LRRC9: variants seen among roughly 807,000 people sequenced by gnomAD.
LRRC9 encodes the protein leucine-rich repeat-containing protein 9.
LRRC9 carries 122 observed loss-of-function variants against 63.2 expected under a neutral mutation model. The ratio of observed to expected loss-of-function variants is 1.93; its 90% CI spans 1.67 to 2.24. The LOEUF (loss-of-function observed/expected upper bound fraction) is 2.24, where lower values mean the gene tolerates loss of function less well. Among genes scored for constraint, LRRC9 ranks in the 30% most tolerant of loss-of-function variants. LRRC9 has a pLI of 0.00. For synonymous variants in LRRC9, 366 were observed against 213.1 expected (o/e 1.72, Z -6.25); for missense variants, 1,071 against 627.7 (o/e 1.71, Z -7.55).
At position 59,930,822 on chromosome 14, in the gene LRRC9, G is replaced by A. The variant is rs1889639908; in HGVS notation, c.268-96G>A. On this transcript the variant is annotated intron_variant, in intron 3 of 31. Transcript: ENST00000445360. This position sits in a 1 kb window ranked among gnomAD's most constrained non-coding sequence, Gnocchi z 4.9. ...GGATATTGATTTTGCAATAAAATAT[G>A]ATATTTAAAAGAAAATATACTTAGA... The A allele has an allele frequency of 3.7e-6, 1 of 269,038 alleles. No homozygotes were observed. The highest frequency in any genetic ancestry group is 2.2e-5 in the African/African-American group (1 of 45,496). The allele number at this position is 269,038 out of a possible 1,614,324, so 16.7% of individuals were successfully genotyped here.
At chr14:59,978,758 A>G (rs1886592950) in intron 15 of LRRC9, among the ~76,000 whole-genome samples, 1 of 152,158 alleles carries the variant, frequency 6.6e-6, no homozygotes, top group South Asian at 2.1e-4. Flanking sequence ...ATGTATCTTT[A>G]TACAAATATG....
intron 12 of LRRC9, among the ~76,000 whole-genome samples, chr14:59,972,293 C>T (rs1457870760): frequency 6.6e-6 from 1 of 152,002 alleles, no homozygotes; most frequent in Non-Finnish European, 1.5e-5. Context: ...GCAGGTTAAT[C>T]CAAAAAGTCA....
chr14:59,993,915 G>C (rs1888450078), intron 17 of LRRC9, among the ~76,000 whole-genome samples: 1 of 152,088 alleles, frequency 6.6e-6, no homozygotes, highest in Admixed American at 6.5e-5. Context: ...AAGACAGAAA[G>C]TTAACAAGGA....
downstream of LRRC9, among the ~76,000 whole-genome samples, chr14:60,065,369 C>T (rs1359143276): frequency 6.6e-6 from 1 of 151,360 alleles, no homozygotes; most frequent in Non-Finnish European, 1.5e-5. Context: ...ACCACCACGC[C>T]AGGTGCAGTG....
intron 17 of LRRC9, among the ~76,000 whole-genome samples, chr14:59,989,948 A>G (rs778360909): frequency 5.4e-4 from 68 of 125,264 alleles, no homozygotes; most frequent in Non-Finnish European, 9.2e-4. Flanking sequence ...TTTTTTTGAG[A>G]CGGAATTTCA....
chr14:59,952,936 G>A (rs2139920320), intron 8 of LRRC9, among the ~76,000 whole-genome samples: 1 of 152,278 alleles, frequency 6.6e-6, no homozygotes, highest in South Asian at 2.1e-4. Flanking sequence ...GTGTTAGTTT[G>A]CTGAGAGTGA....
rs1881900291 is a variant in LRRC9, at chr14:59,942,655, A to C, written c.727-1934A>C. 6.6e-6 allele frequency among the ~76,000 whole-genome samples: 1 copy of C among 152,068 alleles called. No individual in the cohort carries two copies. Among genetic ancestry groups the C allele is most frequent in the South Asian group, 2.1e-4 (1 of 4,816 alleles). On this transcript the variant is annotated intron_variant, in intron 7 of 31. Transcript: ENST00000445360. This position sits in a 1 kb window ranked among gnomAD's most constrained non-coding sequence, Gnocchi z 5.3. ...AGGCAGGAGAATCACTTGAACCCAG[A>C]AGGCAGAAGTTGCGGTGAGCCGATA...
chr14:60,015,949 T>C lies in LRRC9; in HGVS notation c.3187-711T>C, dbSNP rs538702223. Among the ~76,000 whole-genome samples, 41 of 152,252 alleles carry C rather than the reference T, an allele frequency of 2.7e-4. No homozygotes were observed. The South Asian group carries it at 7.9e-3, about 29-fold the overall frequency. The stretch of plus-strand genomic sequence containing the variant: ...CTGTAGGATTTAGCAGGAGTAGGCT[T>C]GTTATCGTCTAAAGTTTTCTGCTGT... On this transcript the variant is annotated intron_variant, in intron 23 of 31. Coordinates refer to ENST00000445360, the Ensembl canonical transcript of LRRC9.
Position 59,958,340 on chromosome 14 carries a change from G to A in LRRC9, c.883-1478G>A, listed in dbSNP as rs1166761531. Among the ~76,000 whole-genome samples the A allele has an allele frequency of 6.6e-6, 1 of 152,200 alleles. No homozygotes were observed. Among genetic ancestry groups the A allele is most frequent in the African/African-American group, 2.4e-5 (1 of 41,456 alleles). ...GTTACCTTTCCTTGAGAGATGCCCTGCCCAGTGAGGAGGAATCTAGAGAAG... is the reference window on the plus strand; with the variant it reads ...GTTACCTTTCCTTGAGAGATGCCCTACCCAGTGAGGAGGAATCTAGAGAAG... On this transcript the variant is annotated intron_variant, in intron 8 of 31. Coordinates refer to ENST00000445360, the Ensembl canonical transcript of LRRC9. This position sits in a 1 kb window ranked among gnomAD's most constrained non-coding sequence, Gnocchi z 4.0.
At position 59,930,833 on chromosome 14, in the gene LRRC9, GA is replaced by G. The variant is rs1235004167; in HGVS notation, c.268-81del. 5 of 273,284 alleles carry G rather than the reference GA, an allele frequency of 1.8e-5. No homozygotes were observed. The highest frequency in any genetic ancestry group is 1.1e-4 in the African/African-American group (5 of 45,758). 16.9% of individuals were successfully genotyped at this position (273,284 alleles called of 1,614,324 possible). On this transcript the variant is annotated intron_variant, in intron 3 of 31. Coordinates refer to ENST00000445360, the Ensembl canonical transcript of LRRC9. This position sits in a 1 kb window ranked among gnomAD's most constrained non-coding sequence, Gnocchi z 4.9. Reference sequence around the variant, plus strand: ...TTGCAATAAAATATGATATTTAAAAGAAAATATACTTAGAAACCTACTTCAT... The same window carrying G: ...TTGCAATAAAATATGATATTTAAAAGAAATATACTTAGAAACCTACTTCAT...
At chr14:59,929,390 A>T (rs57319313) in intron 3 of LRRC9, among the ~76,000 whole-genome samples, 2 of 149,200 alleles carry the variant, frequency 1.3e-5, no homozygotes, top group East Asian at 4.0e-4. Flanking sequence ...TCACACTAAG[A>T]CAGAATGGCT....
chr14:59,943,649 G>A (rs1882030490), intron 7 of LRRC9, among the ~76,000 whole-genome samples: 1 of 151,982 alleles, frequency 6.6e-6, no homozygotes, highest in Admixed American at 6.6e-5. Context: ...TCTGGCAGGG[G>A]AATTTGGTGA....
intron 17 of LRRC9, among the ~76,000 whole-genome samples, chr14:59,988,454 C>T (rs925286456): frequency 4.6e-5 from 7 of 152,112 alleles, no homozygotes; most frequent in African/African-American, 1.7e-4. Flanking sequence ...TTCTCTATTA[C>T]TTACATATAT....
chr14:60,059,301 A>C (rs1377010510), intron 31 of LRRC9, among the ~76,000 whole-genome samples: 1 of 152,122 alleles, frequency 6.6e-6, no homozygotes, highest in Non-Finnish European at 1.5e-5. Flanking sequence ...AAACTTTTTC[A>C]TTATTATTAT....
intron 23 of LRRC9, among the ~76,000 whole-genome samples, chr14:60,010,864 C>T (rs967268470): frequency 2.6e-5 from 4 of 152,142 alleles, no homozygotes; most frequent in African/African-American, 9.7e-5. Context: ...GAGACCACCT[C>T]AGCCTGGACC....
At position 59,966,681 on chromosome 14, in the gene LRRC9, T is replaced by C. The variant is rs1594891329; in HGVS notation, c.1304T>C (p.Ile435Thr). The C allele has an allele frequency of 2.9e-6, 2 of 697,846 alleles. No homozygotes were observed. Among genetic ancestry groups the C allele is most frequent in the Non-Finnish European group, 5.2e-6 (2 of 382,812 alleles). 43.2% of individuals were successfully genotyped at this position (697,846 alleles called of 1,614,324 possible). A position where few individuals can be genotyped will look rare whatever the true frequency, so the allele number is the denominator to read the frequency against. Residue 435 changes from isoleucine to threonine, a missense_variant, in exon 11 of 32, where the codon ATT becomes ACT. Coordinates refer to ENST00000445360, the Ensembl canonical transcript of LRRC9. The surrounding 1 kb of genome is among the most constrained non-coding windows in gnomAD (Gnocchi z 4.0). ...ACAGGAGTAAAAGTAAAACGCATCA[T>C]TAAAGTTAACAACCGTATTCTGAGA... is the stretch of plus-strand genomic sequence containing the variant.
rs1891976754 is a variant in LRRC9 at position 60,031,360 on chromosome 14, A to G, written c.3922-635A>G. On this transcript the variant is annotated intron_variant, in intron 28 of 31. Transcript: ENST00000445360. The surrounding 1 kb of genome is among the most constrained non-coding windows in gnomAD (Gnocchi z 4.6). Reference sequence around the variant, plus strand: ...CTTTGTTGTGTTATATGAACTAGCAACAACCTTAGGCTGAGCTTGTTGGCT... The same window carrying G: ...CTTTGTTGTGTTATATGAACTAGCAGCAACCTTAGGCTGAGCTTGTTGGCT... Among the ~76,000 whole-genome samples the G allele has an allele frequency of 6.6e-6, 1 of 152,098 alleles. No individual in the cohort carries two copies. Among genetic ancestry groups the G allele is most frequent in the Admixed American group, 6.6e-5 (1 of 15,238 alleles).
intron 23 of LRRC9, among the ~76,000 whole-genome samples, chr14:60,009,449 C>T (rs958069389): frequency 4.6e-5 from 7 of 152,276 alleles, no homozygotes; most frequent in East Asian, 3.9e-4. Flanking sequence ...TTCACTATCG[C>T]GAGAACAGCG....
At chr14:60,029,097 T>C (rs1456983762) in intron 28 of LRRC9, among the ~76,000 whole-genome samples, 2 of 152,166 alleles carry the variant, frequency 1.3e-5, no homozygotes, top group Non-Finnish European at 2.9e-5. Flanking sequence ...AAACTGGGGA[T>C]GATTCTTCCT....
Sources: allele counts gnomAD v4.1 joint callset (sites outside exome capture counted in the v4.1 genomes callset), GRCh38; gene constraint gnomAD v4.1.1; non-coding constraint Gnocchi (gnomAD v3.1); transcripts MANE v1.5; gene names NCBI Gene and HGNC (gene_info 2026-07-23, HGNC 2026-07-21).